The following GNAL variants were observed in gnomAD, a reference collection of about 807,000 sequenced individuals.
GNAL encodes G protein subunit alpha L, also known as guanine nucleotide-binding protein G(olf) subunit alpha.
In GNAL, 18 loss-of-function variants were observed where a neutral mutation model predicts 55.1. The ratio of observed to expected loss-of-function variants is 0.33; its 90% CI spans 0.23 to 0.48. GNAL has a LOEUF of 0.48. Among genes scored for constraint, GNAL ranks in the 20% least tolerant of loss-of-function variants. GNAL has a pLI of 0.99. For synonymous variants in GNAL, 253 were observed against 237.0 expected, an observed-to-expected ratio of 1.07 and a Z score of -0.62; for missense variants, 412 against 614.1, an observed-to-expected ratio of 0.67 and a Z score of 3.48.
chr18:11,825,028 C>T lies in GNAL; in HGVS notation c.722+13C>T. ...ACTGTGCACAATAGTAAGTTGTGTC[C>T]TGTACAAGTTACAGGGCCCTTTGAA... On this transcript the variant is annotated intron_variant, in intron 5 of 11. Coordinates refer to ENST00000334049, the MANE Select transcript of GNAL (RefSeq NM_182978.4). 2 of 1,392,352 alleles carry T rather than the reference C, an allele frequency of 1.4e-6. No individual in the cohort carries two copies. Among genetic ancestry groups the T allele is most frequent in the Non-Finnish European group, 2.0e-6 (2 of 982,742 alleles). 86.2% of individuals were successfully genotyped at this position (1,392,352 alleles called of 1,614,324 possible).
chr18:11,833,264 C>T (rs2035427713), intron 5 of GNAL, among the ~76,000 whole-genome samples: 1 of 152,046 alleles, frequency 6.6e-6, no homozygotes, highest in African/African-American at 2.4e-5. Context: ...ACTCCTGACC[C>T]AAGTGTTCTC....
At position 11,882,700 on chromosome 18, in the gene GNAL, A is replaced by AC. The variant is rs2036732518; in HGVS notation, c.*1565_*1566insC. The AC allele has an allele frequency of 6.6e-6, 1 of 151,044 alleles. No homozygotes were observed. The highest frequency in any genetic ancestry group is 6.6e-5 in the Admixed American group (1 of 15,062). The allele number at this position is 151,044 out of a possible 1,614,324, so 9.4% of individuals were successfully genotyped here. On this transcript the variant is annotated 3_prime_UTR_variant, in exon 12 of 12. Transcript: ENST00000334049. ...GACTCAGGCCAAAAAAAAAAAAAAAAAAAACCTTGACGTGTCAATGTTTGT... is the reference window on the plus strand; with the variant it reads ...GACTCAGGCCAAAAAAAAAAAAAAAACAAAACCTTGACGTGTCAATGTTTGT...
intron 1 of GNAL, among the ~76,000 whole-genome samples, chr18:11,728,162 T>C (rs577354534): frequency 6.6e-6 from 1 of 152,182 alleles, no homozygotes; most frequent in East Asian, 1.9e-4. Flanking sequence ...CACAGTGCGC[T>C]GTGATCACAC....
Position 11,751,735 on chromosome 18 carries a change from G to A in GNAL, c.377-1118G>A, listed in dbSNP as rs574672025. 97 of 861,760 alleles carry A rather than the reference G, an allele frequency of 1.1e-4. No individual in the cohort carries two copies. Among genetic ancestry groups the A allele is most frequent in the Non-Finnish European group, 1.3e-4 (93 of 716,682 alleles). 53.4% of individuals were successfully genotyped at this position (861,760 alleles called of 1,614,324 possible). On this transcript the variant is annotated intron_variant, in intron 1 of 11. Coordinates refer to ENST00000334049, the MANE Select transcript of GNAL (RefSeq NM_182978.4). The surrounding 1 kb of genome is among the most constrained non-coding windows in gnomAD (Gnocchi z 4.5). ...AGCGCCCCAGCCGGCCGGGCTCCGT[G>A]GGGGGTCAGCTCCCTGACCCCTACA... is the stretch of plus-strand genomic sequence containing the variant.
chr18:11,822,820 C>CTT lies in GNAL; in HGVS notation c.625-2080_625-2079dup, dbSNP rs56128456. Among the ~76,000 whole-genome samples, 230 of 139,700 alleles carry CTT rather than the reference C, an allele frequency of 1.6e-3. 2 individuals carry two copies. The highest frequency in any genetic ancestry group is 5.7e-3 in the African/African-American group (205 of 35,956). 91.6% of individuals were successfully genotyped at this position (139,700 alleles called of 152,430 possible). ...CAATATTGTTTTTCTTTTTTTTTTTCTTTTTTTTTTTTTTTTTTTGACCAA... is the reference window on the plus strand; with the variant it reads ...CAATATTGTTTTTCTTTTTTTTTTTCTTTTTTTTTTTTTTTTTTTTTGACCAA... On this transcript the variant is annotated intron_variant, in intron 4 of 11. Coordinates refer to ENST00000334049, the MANE Select transcript of GNAL (RefSeq NM_182978.4).
At chr18:11,700,084 T>C (rs2031522746) in intron 1 of GNAL, among the ~76,000 whole-genome samples, 1 of 152,096 alleles carries the variant, frequency 6.6e-6, no homozygotes. Context: ...TGAATTAGGA[T>C]CCCAAGAGGA....
intron 5 of GNAL, among the ~76,000 whole-genome samples, chr18:11,827,208 C>A (rs958983269): frequency 6.6e-6 from 1 of 152,132 alleles, no homozygotes. Flanking sequence ...GAGAATGGAG[C>A]GCACACCTGC....
At chr18:11,864,083 G>GTTTTTTT (rs2036206704) in intron 6 of GNAL, among the ~76,000 whole-genome samples, 4 of 140,054 alleles carry the variant, frequency 2.9e-5, no homozygotes, top group African/African-American at 1.2e-4. Flanking sequence ...ATTCGTCTGA[G>GTTTTTTT]TTCTTTTTTT....
At chr18:11,798,255 G>A (rs2034440164) in intron 4 of GNAL, among the ~76,000 whole-genome samples, 1 of 152,040 alleles carries the variant, frequency 6.6e-6, no homozygotes, top group African/African-American at 2.4e-5. Context: ...CTCATTATGC[G>A]CTATTAAATT....
chr18:11,788,216 A>G lies in GNAL; in HGVS notation c.624+34271A>G, dbSNP rs147481695. ...AAACAAGATCCCTAAGCCTGTCCTC[A>G]GAGATTTTGATTCAGGAATTCTTGG... On this transcript the variant is annotated intron_variant, in intron 4 of 11. Coordinates refer to ENST00000334049, the MANE Select transcript of GNAL (RefSeq NM_182978.4). Among the ~76,000 whole-genome samples, 5 of 152,286 alleles carry G rather than the reference A, an allele frequency of 3.3e-5. No individual in the cohort carries two copies. In the East Asian group the frequency reaches 9.7e-4, roughly 29 times the overall value.
At chr18:11,816,414 A>G (rs972490793) in intron 4 of GNAL, among the ~76,000 whole-genome samples, 7 of 151,970 alleles carry the variant, frequency 4.6e-5, no homozygotes, top group African/African-American at 1.7e-4. Flanking sequence ...CTCCTGCCTC[A>G]GCCTCCTAAG....
intron 1 of GNAL, chr18:11,747,355 TGTTGAACATCAG>T (rs1320381514): frequency 2.7e-5 from 5 of 184,076 alleles, no homozygotes; most frequent in African/African-American, 1.2e-4. Context: ...TACAGGAATA[TGTTGAACATCAG>T]GTTGAAGACG....
intron 4 of GNAL, among the ~76,000 whole-genome samples, chr18:11,801,796 T>C (rs1222297500): frequency 6.6e-6 from 1 of 152,066 alleles, no homozygotes; most frequent in Non-Finnish European, 1.5e-5. Context: ...TTCTGAGCCA[T>C]TGGGAAGACA....
At chr18:11,817,185 T>A (rs2034978437) in intron 4 of GNAL, among the ~76,000 whole-genome samples, 1 of 152,190 alleles carries the variant, frequency 6.6e-6, no homozygotes, top group South Asian at 2.1e-4. Flanking sequence ...GAAAAATAGA[T>A]GTGTGGGGTA....
chr18:11,771,073 C>T (rs1243907558), intron 4 of GNAL, among the ~76,000 whole-genome samples: 1 of 151,878 alleles, frequency 6.6e-6, no homozygotes, highest in African/African-American at 2.4e-5. Flanking sequence ...AAAAAATTAG[C>T]CAGGCGTGGT....
chr18:11,720,804 G>C (rs771228927), intron 1 of GNAL, among the ~76,000 whole-genome samples: 10 of 152,204 alleles, frequency 6.6e-5, no homozygotes, highest in Non-Finnish European at 1.0e-4. Flanking sequence ...CTGCAAATTT[G>C]TGTGGAAATG....
chr18:11,827,841 G>A (rs953996327), intron 5 of GNAL, among the ~76,000 whole-genome samples: 12 of 151,964 alleles, frequency 7.9e-5, no homozygotes, highest in African/African-American at 2.4e-4. Context: ...CGTGGTGGCC[G>A]GCACCTGTAG....
intron 8 of GNAL, 38 bp downstream of exon 8, chr18:11,867,264 A>T (rs200000825): frequency 1.6e-6 from 2 of 1,223,730 alleles, no homozygotes; most frequent in East Asian, 4.6e-5. Context: ...ATAGGAGTGA[A>T]TTCTAACACT....
At chr18:11,842,392 G>A (rs1398020673) in intron 5 of GNAL, among the ~76,000 whole-genome samples, 1 of 152,104 alleles carries the variant, frequency 6.6e-6, no homozygotes, top group Non-Finnish European at 1.5e-5. Flanking sequence ...TGGGGTGGAT[G>A]GTTTCAAGAT....
Sources: allele counts gnomAD v4.1 joint callset (sites outside exome capture counted in the v4.1 genomes callset), GRCh38; gene constraint gnomAD v4.1.1; non-coding constraint Gnocchi (gnomAD v3.1); transcripts MANE v1.5; gene names NCBI Gene and HGNC (gene_info 2026-07-23, HGNC 2026-07-21).